Variants in ZBTB49 observed in about 807,000 individuals in gnomAD.
The protein encoded by ZBTB49 is zinc finger and BTB domain-containing protein 49.
Under a neutral mutation model 57.5 loss-of-function variants are expected in ZBTB49, and 43 were observed. The ratio of observed to expected loss-of-function variants is 0.75; its 90% confidence interval spans 0.59 to 0.97. ZBTB49 has a LOEUF of 0.97. Ranked by LOEUF, ZBTB49 falls within the 50% of genes least tolerant of loss-of-function variation. ZBTB49 has a pLI of 0.00. For synonymous variants in ZBTB49, 369 were observed against 362.1 expected, an observed-to-expected ratio of 1.02 and a Z score of -0.22; for missense variants, 938 against 947.7, an observed-to-expected ratio of 0.99 and a Z score of 0.13.
intron 4 of ZBTB49, among the ~76,000 whole-genome samples, chr4:4,308,182 A>G (rs1720823916): frequency 6.6e-6 from 1 of 152,148 alleles, no homozygotes. Context: ...GGTTCAAACG[A>G]TTGTCTTGCC....
intron 7 of ZBTB49, 45 bp from the exon 8 acceptor site, chr4:4,320,595 T>C (rs761509382): frequency 6.2e-7 from 1 of 1,608,212 alleles, no homozygotes; most frequent in Non-Finnish European, 8.5e-7. Context: ...GGCCACATAG[T>C]GAGACCCTGT....
intron 1 of ZBTB49, among the ~76,000 whole-genome samples, chr4:4,292,757 G>A (rs1431512353): frequency 6.6e-6 from 1 of 152,276 alleles, no homozygotes; most frequent in East Asian, 1.9e-4. Context: ...GTGGGCCCTT[G>A]GAGAAGTAAT....
intron 3 of ZBTB49, among the ~76,000 whole-genome samples, chr4:4,303,618 A>T (rs1051264989): frequency 2.0e-5 from 3 of 152,178 alleles, no homozygotes; most frequent in Non-Finnish European, 2.9e-5. Flanking sequence ...AGCTTTAACC[A>T]TTTGATATTC....
chr4:4,304,128 T>C (rs1245689052), intron 3 of ZBTB49, among the ~76,000 whole-genome samples: 1 of 152,194 alleles, frequency 6.6e-6, no homozygotes, highest in Non-Finnish European at 1.5e-5. Context: ...TTCAAAATTA[T>C]TCCACGTGAA....
intron 1 of ZBTB49, 82 bp from the exon 2 acceptor site, chr4:4,299,845 A>T: frequency 6.3e-6 from 8 of 1,279,582 alleles, no homozygotes; most frequent in Non-Finnish European, 7.7e-6. Context: ...TGAAGCACAG[A>T]TCAATCAGTA....
intron 1 of ZBTB49, among the ~76,000 whole-genome samples, chr4:4,292,196 G>A (rs113605300): frequency 2.6e-5 from 4 of 152,084 alleles, no homozygotes; most frequent in Admixed American, 2.0e-4. Flanking sequence ...CAGAAGAATC[G>A]CTTGAACCCA....
chr4:4,311,364 A>G (rs1002259154), intron 4 of ZBTB49, among the ~76,000 whole-genome samples: 7 of 152,252 alleles, frequency 4.6e-5, no homozygotes, highest in African/African-American at 1.7e-4. Context: ...TTATTATGCA[A>G]CTGATCAGCT....
At chr4:4,298,974 A>C (rs1196150256) in intron 1 of ZBTB49, among the ~76,000 whole-genome samples, 1 of 152,148 alleles carries the variant, frequency 6.6e-6, no homozygotes, top group East Asian at 1.9e-4. Context: ...TGTTTTGTTC[A>C]TTGCTGTGAC....
intron 4 of ZBTB49, among the ~76,000 whole-genome samples, chr4:4,312,481 G>A (rs539534244): frequency 6.6e-6 from 1 of 152,318 alleles, no homozygotes; most frequent in South Asian, 2.1e-4. Context: ...AGAGGCTGCT[G>A]TGATTCTCCT....
At chr4:4,303,798 C>A (rs1467038775) in intron 3 of ZBTB49, among the ~76,000 whole-genome samples, 2 of 144,052 alleles carry the variant, frequency 1.4e-5, no homozygotes, top group Non-Finnish European at 3.0e-5. Flanking sequence ...ATATATATCT[C>A]CACACACACA....
chr4:4,297,741 T>C (rs1720279457), intron 1 of ZBTB49, among the ~76,000 whole-genome samples: 1 of 147,988 alleles, frequency 6.8e-6, no homozygotes, highest in Non-Finnish European at 1.5e-5. Flanking sequence ...ATCACTGCAC[T>C]GTAGCCTGGG....
At chr4:4,298,799 A>G (rs1197075383) in intron 1 of ZBTB49, among the ~76,000 whole-genome samples, 2 of 151,980 alleles carry the variant, frequency 1.3e-5, no homozygotes, top group Non-Finnish European at 2.9e-5. Flanking sequence ...TCTTCCATAA[A>G]TCATCCCCTA....
intron 3 of ZBTB49, among the ~76,000 whole-genome samples, chr4:4,304,594 A>G (rs546524406): frequency 6.6e-6 from 1 of 152,012 alleles, no homozygotes; most frequent in East Asian, 1.9e-4. Flanking sequence ...TTCTGGGAGA[A>G]CCTCTTTGAA....
chr4:4,299,360 G>T (rs1285786254), intron 1 of ZBTB49, among the ~76,000 whole-genome samples: 1 of 150,866 alleles, frequency 6.6e-6, no homozygotes, highest in Non-Finnish European at 1.5e-5. Flanking sequence ...GTGATGTTAG[G>T]TATTTTGACC....
At position 4,302,769 on chromosome 4, in the gene ZBTB49, G is replaced by A. The variant is rs1720553085; in HGVS notation, c.933G>A (p.Lys311=). 1 of 1,613,974 alleles carries A rather than the reference G, an allele frequency of 6.2e-7. No individual in the cohort carries two copies. Among genetic ancestry groups the A allele is most frequent in the Non-Finnish European group, 8.5e-7 (1 of 1,180,022 alleles). Residue 311 remains lysine, a synonymous_variant, in exon 3 of 8, where the codon AAG becomes AAA. Transcript: ENST00000337872. The part of the protein sequence containing the change: ...MRLKKAIHLK[K]LNFLKSQKYA... ...TCAAAAAGGCCATTCATCTGAAGAA[G>A]CTCAATTTCCTGAAGTCACAGAAAT...
Position 4,321,617 on chromosome 4 carries a change from T to C in ZBTB49, c.*301T>C, listed in dbSNP as rs1344740745. 2.5e-5 allele frequency: 11 copies of C among 436,994 alleles called. No individual in the cohort carries two copies. The highest frequency in any genetic ancestry group is 4.1e-5 in the Non-Finnish European group (10 of 243,466). 27.1% of individuals were successfully genotyped at this position (436,994 alleles called of 1,614,324 possible). ...AGCGCGTGTGCATCGTGTCAACTAC[T>C]GTACATGTTGGTCATGTGAAAGGAA... On this transcript the variant is annotated 3_prime_UTR_variant, in exon 8 of 8. Transcript: ENST00000337872.
intron 1 of ZBTB49, among the ~76,000 whole-genome samples, chr4:4,293,217 T>C (rs1720026397): frequency 6.6e-6 from 1 of 151,876 alleles, no homozygotes; most frequent in South Asian, 2.1e-4. Flanking sequence ...GTCCATGTCT[T>C]CACCACAGAA....
chr4:4,291,373 T>A (rs1055190346), intron 1 of ZBTB49, among the ~76,000 whole-genome samples: 1 of 152,174 alleles, frequency 6.6e-6, no homozygotes, highest in African/African-American at 2.4e-5. Flanking sequence ...GCATCCAGAT[T>A]TCCTCTTTAT....
intron 4 of ZBTB49, among the ~76,000 whole-genome samples, 198 bp from the exon 5 acceptor site, chr4:4,312,843 T>G (rs1721031545): frequency 6.6e-6 from 1 of 152,194 alleles, no homozygotes; most frequent in Non-Finnish European, 1.5e-5. Context: ...ACACATCTCG[T>G]GTACAGCAGG....
Sources: gnomAD v4.1 joint callset for allele counts (sites outside exome capture counted in the v4.1 genomes callset) on GRCh38, gnomAD v4.1.1 for gene constraint, MANE v1.5 for transcripts, NCBI Gene and HGNC (gene_info 2026-07-23, HGNC 2026-07-21) for gene names.